Variants in DEFB124 observed in about 807,000 individuals in gnomAD.
The protein encoded by DEFB124 is beta-defensin 124.
For synonymous variants in DEFB124, 38 were observed against 36.5 expected (o/e 1.04, Z -0.15); for missense variants, 78 against 83.1 (o/e 0.94, Z 0.24).
In DEFB124 at chr20:31,471,557, C is replaced by T. The variant is rs938446207; in HGVS notation, c.58+1399G>A. ...GGCAGGAGGCTGATCCCCCCACCTC[C>T]CTCCCGGACGGGGCGGCTGCCGGGC... On this transcript the variant is annotated intron_variant, in intron 2 of 2. Transcript: ENST00000317676. 1.6e-4 allele frequency among the ~76,000 whole-genome samples: 24 copies of T among 150,418 alleles called. No individual in the cohort carries two copies. In the East Asian group the frequency reaches 3.8e-3, roughly 24 times the overall value.
intron 2 of DEFB124, among the ~76,000 whole-genome samples, chr20:31,467,822 G>A (rs775595403): frequency 7.9e-5 from 12 of 151,652 alleles, no homozygotes; most frequent in Non-Finnish European, 1.0e-4. Flanking sequence ...GTGTAATCTC[G>A]GCTCAATGTA....
intron 2 of DEFB124, among the ~76,000 whole-genome samples, chr20:31,466,922 C>A (rs1210034928): frequency 2.0e-5 from 3 of 152,062 alleles, no homozygotes; most frequent in Non-Finnish European, 4.4e-5. Flanking sequence ...ACAATACAGC[C>A]ATGGTCCCTG....
intron 2 of DEFB124, among the ~76,000 whole-genome samples, chr20:31,471,248 A>G (rs1359368204): frequency 8.2e-6 from 1 of 121,646 alleles, no homozygotes; most frequent in Non-Finnish European, 1.7e-5. Flanking sequence ...CTCGCTTCCC[A>G]GTAGGGGCGG....
chr20:31,466,733 G>C (rs1425957253), intron 2 of DEFB124, among the ~76,000 whole-genome samples: 2 of 151,592 alleles, frequency 1.3e-5, no homozygotes, highest in Non-Finnish European at 2.9e-5. Flanking sequence ...TGACACATAG[G>C]GACTTGTTTA....
intron 2 of DEFB124, among the ~76,000 whole-genome samples, chr20:31,467,140 G>A (rs1408243281): frequency 6.6e-6 from 1 of 152,198 alleles, no homozygotes; most frequent in African/African-American, 2.4e-5. Flanking sequence ...CCTCAGACTA[G>A]CAGAGAACAA....
intron 2 of DEFB124, 39 bp downstream of exon 2, chr20:31,472,917 G>GCACACACACACACACA: frequency 6.6e-7 from 1 of 1,524,060 alleles, no homozygotes; most frequent in African/African-American, 1.4e-5. Context: ...GCACACATGT[G>GCACACACACACACACA]CACACACACA....
At chr20:31,470,667 A>C (rs1297401700) in intron 2 of DEFB124, among the ~76,000 whole-genome samples, 5 of 90,696 alleles carry the variant, frequency 5.5e-5, no homozygotes, top group Non-Finnish European at 9.0e-5. Flanking sequence ...TGAACCCCCC[A>C]CCTCCCTCCC....
At position 31,465,620 on chromosome 20, in the gene DEFB124, G is replaced by T; in HGVS notation, c.102C>A (p.Cys34Ter). The change falls in exon 3 of 3, where the codon TGC (cysteine) becomes TGA (stop). Residue 34 changes from cysteine to a stop codon, truncating the protein, a stop_gained. Transcript: ENST00000317676. LOFTEE classifies it low-confidence loss of function (END_TRUNC). ...FKRCWKGQGA[C>*]QTYCTRQETY... ...TTTCTTGCCTTGTGCAGTAAGTTTG[G>T]CAGGCCCCTTGACCCTTCCAGCACC... 3 of 1,614,130 alleles carry T rather than the reference G, an allele frequency of 1.9e-6. No homozygotes were observed.
chr20:31,471,611 T>G (rs1600569440), intron 2 of DEFB124, among the ~76,000 whole-genome samples: 2 of 127,024 alleles, frequency 1.6e-5, no homozygotes, highest in Admixed American at 7.7e-5. Context: ...CCAGACGGGG[T>G]GGCTGCCGGG....
chr20:31,466,147 A>T (rs1980077825), intron 2 of DEFB124, among the ~76,000 whole-genome samples: 1 of 151,990 alleles, frequency 6.6e-6, no homozygotes, highest in Non-Finnish European at 1.5e-5. Flanking sequence ...ACAGAGGGAG[A>T]CTCCATCTCA....
chr20:31,470,853 C>G lies in DEFB124; in HGVS notation c.58+2103G>C, dbSNP rs555628770. Among the ~76,000 whole-genome samples, 1,311 of 141,566 alleles carry G rather than the reference C, an allele frequency of 9.3e-3. 4 individuals are homozygous for G. Among genetic ancestry groups the G allele is most frequent in the Non-Finnish European group, 0.016 (1,029 of 63,676 alleles). 92.9% of individuals were successfully genotyped at this position (141,566 alleles called of 152,430 possible). ...GGTGCTGATCCCCCCACCTCCCTCCCGGACGGGGCGGCTGGCCGGGCGGGG... is the reference window on the plus strand; with the variant it reads ...GGTGCTGATCCCCCCACCTCCCTCCGGGACGGGGCGGCTGGCCGGGCGGGG... On this transcript the variant is annotated intron_variant, in intron 2 of 2. Transcript: ENST00000317676.
chr20:31,465,554 G>A lies in DEFB124; in HGVS notation c.168C>T (p.Leu56=), dbSNP rs1980060831. 1.2e-6 allele frequency: 2 copies of A among 1,614,204 alleles called. No homozygotes were observed. Among genetic ancestry groups the A allele is most frequent in the South Asian group, 2.2e-5 (2 of 91,090 alleles). The change falls in exon 3 of 3, where the codon CTC becomes CTT. Residue 56 remains leucine (L), a synonymous_variant. Transcript: ENST00000317676. ...CCGGTGGAGGTTTCAATGCATAGGA[G>A]AGACAGCACAGGGACGCATCCGGGC... ...HLCPDASLCC[L]SYALKPPPVP...
At chr20:31,467,401 G>A (rs144177170) in intron 2 of DEFB124, among the ~76,000 whole-genome samples, 21 of 152,250 alleles carry the variant, frequency 1.4e-4, no homozygotes, top group African/African-American at 4.6e-4. Flanking sequence ...TAGTATAATC[G>A]TTAACAGTGT....
At chr20:31,473,453 G>A (rs2122459796) in intron 1 of DEFB124, among the ~76,000 whole-genome samples, 1 of 152,190 alleles carries the variant, frequency 6.6e-6, no homozygotes, top group Admixed American at 6.5e-5. Context: ...TCCCTTACAA[G>A]GCCAAGTGAA....
At chr20:31,470,894 C>T (rs1980260278) in intron 2 of DEFB124, among the ~76,000 whole-genome samples, 1 of 144,290 alleles carries the variant, frequency 6.9e-6, no homozygotes. Flanking sequence ...AGCCCCCCAC[C>T]TCCCTCCCGG....
chr20:31,471,213 G>C (rs548447786), intron 2 of DEFB124, among the ~76,000 whole-genome samples: 2 of 142,192 alleles, frequency 1.4e-5, no homozygotes, highest in East Asian at 4.4e-4. Flanking sequence ...TCCCGGACGG[G>C]GTGGCTAGCC....
At chr20:31,472,917 G>GCGCACA (rs1555834264) in intron 2 of DEFB124, 39 bp downstream of exon 2, 7 of 1,524,060 alleles carry the variant, frequency 4.6e-6, no homozygotes, top group African/African-American at 1.4e-5. Context: ...GCACACATGT[G>GCGCACA]CACACACACA....
chr20:31,468,414 T>C (rs1305599763), intron 2 of DEFB124, among the ~76,000 whole-genome samples: 1 of 152,102 alleles, frequency 6.6e-6, no homozygotes, highest in East Asian at 1.9e-4. Context: ...CAAAACAGGA[T>C]TGGTTCAAAT....
At chr20:31,472,917 G>A (rs2122458395) in intron 2 of DEFB124, 39 bp downstream of exon 2, 1 of 1,524,054 alleles carries the variant, frequency 6.6e-7, no homozygotes, top group Non-Finnish European at 9.0e-7. Flanking sequence ...GCACACATGT[G>A]CACACACACA....
Sources: allele counts gnomAD v4.1 joint callset (sites outside exome capture counted in the v4.1 genomes callset), GRCh38; gene constraint gnomAD v4.1.1; transcripts MANE v1.5; gene names NCBI Gene and HGNC (gene_info 2026-07-23, HGNC 2026-07-21).